Variants in CNTN4 observed in about 807,000 individuals in gnomAD.
CNTN4 encodes contactin 4.
Under a neutral mutation model 122.5 loss-of-function variants are expected in CNTN4, and 77 were observed. The ratio of observed to expected loss-of-function variants is 0.63; its 90% CI spans 0.52 to 0.76. The LOEUF (loss-of-function observed/expected upper bound fraction) is 0.76, where lower values mean the gene tolerates loss of function less well. Ranked by LOEUF, CNTN4 falls within the 30% of genes least tolerant of loss-of-function variation. The pLI is 0.00. For missense variants in CNTN4, 1,256 were observed against 1,259.1 expected (o/e 1.00, Z 0.04); for synonymous variants, 512 against 447.0 (o/e 1.15, Z -1.83).
At position 2,916,658 on chromosome 3, in the gene CNTN4, C is replaced by T. The variant is rs547386149; in HGVS notation, c.1208-8971C>T. On this transcript the variant is annotated intron_variant, in intron 12 of 24. Coordinates refer to ENST00000418658, the MANE Select transcript of CNTN4 (RefSeq NM_175607.3). ...TCTTTCCTTTCCCCACACTTCCCCC[C>T]CTTCCACTCGACAAAACCGCCATCG... is the stretch of plus-strand genomic sequence containing the variant. Among the ~76,000 whole-genome samples the T allele has an allele frequency of 8.6e-5, 8 of 93,218 alleles. 1 individual carries two copies. Among genetic ancestry groups the T allele is most frequent in the East Asian group, 1.1e-3 (2 of 1,864 alleles). The allele number at this position is 93,218 out of a possible 152,430, so 61.2% of individuals were successfully genotyped here.
intron 2 of CNTN4, among the ~76,000 whole-genome samples, chr3:2,170,287 T>A (rs2036440100): frequency 6.6e-6 from 1 of 151,748 alleles, no homozygotes; most frequent in Admixed American, 6.6e-5. Flanking sequence ...GCCACCGCAC[T>A]CCAGCCTGGG....
intron 14 of CNTN4, among the ~76,000 whole-genome samples, chr3:2,990,411 C>A (rs1694950749): frequency 6.6e-6 from 1 of 152,048 alleles, no homozygotes; most frequent in Admixed American, 6.6e-5. Context: ...ATGAAAGATT[C>A]AAAACAGCTA....
chr3:2,701,318 G>T (rs556284034), intron 4 of CNTN4, among the ~76,000 whole-genome samples: 19 of 152,268 alleles, frequency 1.2e-4, no homozygotes, highest in Admixed American at 1.2e-3. Flanking sequence ...CTGGAAATGA[G>T]AAATGAATTA....
intron 2 of CNTN4, among the ~76,000 whole-genome samples, chr3:2,181,892 G>A (rs989008272): frequency 2.0e-5 from 3 of 152,032 alleles, no homozygotes; most frequent in Non-Finnish European, 2.9e-5. Context: ...CACTACATAA[G>A]CAAATAATAT....
intron 3 of CNTN4, among the ~76,000 whole-genome samples, chr3:2,355,239 A>AG (rs2044818864): frequency 6.6e-6 from 1 of 152,240 alleles, no homozygotes; most frequent in Non-Finnish European, 1.5e-5. Flanking sequence ...AGAATAGTAA[A>AG]GAACTAGAGA....
chr3:2,347,718 C>A (rs1559474188), intron 3 of CNTN4, among the ~76,000 whole-genome samples: 1 of 151,950 alleles, frequency 6.6e-6, no homozygotes, highest in East Asian at 1.9e-4. Flanking sequence ...CCAGGAAATA[C>A]AATCTTAATA....
At chr3:2,637,212 G>C (rs1482300854) in intron 4 of CNTN4, among the ~76,000 whole-genome samples, 3 of 151,912 alleles carry the variant, frequency 2.0e-5, no homozygotes, top group African/African-American at 7.3e-5. Context: ...AAAGTGCTAG[G>C]ATTACAGTCC....
intron 4 of CNTN4, among the ~76,000 whole-genome samples, chr3:2,623,771 A>T (rs900340505): frequency 5.3e-5 from 8 of 152,218 alleles, no homozygotes; most frequent in African/African-American, 1.9e-4. Context: ...TGAAACAGTA[A>T]GGAGAACAGA....
At chr3:2,219,572 G>A (rs1442177842) in intron 2 of CNTN4, among the ~76,000 whole-genome samples, 1 of 152,066 alleles carries the variant, frequency 6.6e-6, no homozygotes, top group African/African-American at 2.4e-5. Context: ...GAGTTTTGGT[G>A]TTATCTCTAC....
Position 2,157,868 on chromosome 3 carries a change from C to A in CNTN4, c.-145+57229C>A, listed in dbSNP as rs2035790578. ...TTTCACACATAGCTATCAAATAAAT[C>A]ATTGTTTTCATTTAAGAAACATGGA... On this transcript the variant is annotated intron_variant, in intron 2 of 24. Coordinates refer to ENST00000418658, the MANE Select transcript of CNTN4 (RefSeq NM_175607.3). Among the ~76,000 whole-genome samples the A allele has an allele frequency of 2.0e-5, 3 of 152,268 alleles. No individual in the cohort carries two copies. The South Asian group carries it at 6.2e-4, about 32-fold the overall frequency.
At chr3:2,456,242 T>A (rs1220875871) in intron 3 of CNTN4, among the ~76,000 whole-genome samples, 1 of 152,048 alleles carries the variant, frequency 6.6e-6, no homozygotes, top group Non-Finnish European at 1.5e-5. Context: ...CCCATCACTG[T>A]GATAAGAGTA....
Position 2,391,025 on chromosome 3 carries a change from TC to T in CNTN4, c.-89+51794del, listed in dbSNP as rs2046422246. On this transcript the variant is annotated intron_variant, in intron 3 of 24. Coordinates refer to ENST00000418658, the MANE Select transcript of CNTN4 (RefSeq NM_175607.3). ...GGCATAAAATTGTAATAACAGGTGTTCCTTGCAGATTCCAAATAGCTGGACT... is the reference window on the plus strand; with the variant it reads ...GGCATAAAATTGTAATAACAGGTGTTCTTGCAGATTCCAAATAGCTGGACT... Among the ~76,000 whole-genome samples, 2 of 152,222 alleles carry T rather than the reference TC, an allele frequency of 1.3e-5. 1 individual carries two copies. The highest frequency in any genetic ancestry group is 4.1e-4 in the South Asian group (2 of 4,834).
chr3:2,166,062 A>G (rs555398600), intron 2 of CNTN4, among the ~76,000 whole-genome samples: 30 of 152,286 alleles, frequency 2.0e-4, no homozygotes, highest in African/African-American at 6.5e-4. Context: ...TTTTGGATAT[A>G]TACCCAGAAG....
chr3:2,618,628 A>C (rs2081872439), intron 4 of CNTN4, among the ~76,000 whole-genome samples: 1 of 152,230 alleles, frequency 6.6e-6, no homozygotes, highest in Non-Finnish European at 1.5e-5. Context: ...AAATAGTAGC[A>C]CAGCGGGGAT....
intron 6 of CNTN4, among the ~76,000 whole-genome samples, chr3:2,805,709 AGGTCGT>A (rs1328613426): frequency 6.6e-6 from 1 of 152,084 alleles, no homozygotes; most frequent in Non-Finnish European, 1.5e-5. Context: ...GAGAGGAACC[AGGTCGT>A]GGATGCCAAA....
intron 4 of CNTN4, among the ~76,000 whole-genome samples, chr3:2,627,550 G>A (rs2082241518): frequency 6.9e-6 from 1 of 144,628 alleles, no homozygotes; most frequent in Non-Finnish European, 1.5e-5. Flanking sequence ...CTGGAGTGTA[G>A]TAGCGCAATC....
intron 13 of CNTN4, among the ~76,000 whole-genome samples, chr3:2,981,938 T>A (rs1424987999): frequency 6.6e-6 from 1 of 152,032 alleles, no homozygotes; most frequent in African/African-American, 2.4e-5. Flanking sequence ...TCAGGGAGGC[T>A]GAGGCGAGAG....
chr3:2,976,590 T>G (rs1285638523), intron 13 of CNTN4, among the ~76,000 whole-genome samples: 2 of 152,190 alleles, frequency 1.3e-5, no homozygotes, highest in Non-Finnish European at 2.9e-5. Flanking sequence ...CCTATTGACC[T>G]ACATTAAATT....
intron 8 of CNTN4, among the ~76,000 whole-genome samples, chr3:2,876,337 G>A (rs977022744): frequency 3.3e-5 from 5 of 152,164 alleles, no homozygotes; most frequent in Non-Finnish European, 7.3e-5. Flanking sequence ...GGGCAAAATG[G>A]TAAACTCAGT....
Sources: gnomAD v4.1 joint callset for allele counts (sites outside exome capture counted in the v4.1 genomes callset) on GRCh38, gnomAD v4.1.1 for gene constraint, MANE v1.5 for transcripts, NCBI Gene and HGNC (gene_info 2026-07-23, HGNC 2026-07-21) for gene names.